Variants in PPEF2 observed in about 807,000 individuals in gnomAD.
PPEF2 encodes the protein protein phosphatase with EF-hand domain 2, also known as serine/threonine-protein phosphatase with EF-hands 2.
A neutral mutation model predicts 84.7 loss-of-function variants in PPEF2; 84 were observed. The ratio of observed to expected loss-of-function variants is 0.99; its 90% CI spans 0.83 to 1.19. The LOEUF (loss-of-function observed/expected upper bound fraction) is 1.19, where lower values mean the gene tolerates loss of function less well. Ranked by LOEUF, PPEF2 falls within the 50% of genes most tolerant of loss-of-function variation. The pLI is 0.00. For synonymous variants in PPEF2, 346 were observed against 345.2 expected, an observed-to-expected ratio of 1.00 and a Z score of -0.03; for missense variants, 924 against 937.5, an observed-to-expected ratio of 0.99 and a Z score of 0.19.
chr4:75,901,489 C>G (rs1441265888), intron 1 of PPEF2, among the ~76,000 whole-genome samples: 1 of 151,112 alleles, frequency 6.6e-6, no homozygotes, highest in African/African-American at 2.4e-5. Flanking sequence ...CCACTACACT[C>G]CAGCCTGGGT....
intron 13 of PPEF2, among the ~76,000 whole-genome samples, chr4:75,871,347 T>C (rs115462053): frequency 0.01 from 1,523 of 152,248 alleles, 26 homozygotes; most frequent in African/African-American, 0.035. Context: ...CTGTGGCTTG[T>C]AGGGGTAACA....
chr4:75,887,856 A>G (rs1724770262), intron 6 of PPEF2, among the ~76,000 whole-genome samples: 1 of 152,168 alleles, frequency 6.6e-6, no homozygotes. Flanking sequence ...GATGGGAGGA[A>G]TAATTTGCTA....
chr4:75,901,983 G>GA (rs985894692), intron 1 of PPEF2, among the ~76,000 whole-genome samples: 4 of 150,900 alleles, frequency 2.7e-5, no homozygotes, highest in Non-Finnish European at 4.4e-5. Context: ...CTCTTAGGTG[G>GA]AAAAAAAAAG....
chr4:75,892,466 G>A (rs578110384), intron 2 of PPEF2, among the ~76,000 whole-genome samples: 3 of 152,292 alleles, frequency 2.0e-5, no homozygotes, highest in Non-Finnish European at 2.9e-5. Flanking sequence ...GTCATCTGGG[G>A]CCTCAATGTC....
In PPEF2 at chr4:75,860,726, C is replaced by G. The variant is rs771769312; in HGVS notation, c.2203G>C (p.Glu735Gln). The change falls in exon 17 of 17, where the codon GAA becomes CAA. Residue 735 changes from glutamate (E) to glutamine (Q), a missense_variant. By Grantham distance (29) the Glu-to-Gln change is conservative (BLOSUM62 2). Transcript: ENST00000286719. Reference sequence around the variant, plus strand: ...TTAGCATTTGTAGCTTGTGGGCATTCTGAGGCATCGCCCTCTGGGCAGGAT... The same window carrying G: ...TTAGCATTTGTAGCTTGTGGGCATTGTGAGGCATCGCCCTCTGGGCAGGAT... ...EKSCPEGDAS[E>Q]CPQATNAKDS... is the part of the protein sequence containing the mutation. 2 of 1,614,252 alleles carry G rather than the reference C, an allele frequency of 1.2e-6. No homozygotes were observed. Among genetic ancestry groups the G allele is most frequent in the South Asian group, 2.2e-5 (2 of 91,082 alleles).
chr4:75,868,793 A>T (rs879653211), intron 13 of PPEF2, among the ~76,000 whole-genome samples: 4 of 152,156 alleles, frequency 2.6e-5, no homozygotes, highest in Non-Finnish European at 5.9e-5. Context: ...ACTTGAGGCC[A>T]GGAGCTCAAG....
intron 7 of PPEF2, among the ~76,000 whole-genome samples, chr4:75,886,421 G>GT (rs1273402564): frequency 6.6e-6 from 1 of 152,204 alleles, no homozygotes; most frequent in African/African-American, 2.4e-5. Flanking sequence ...GCAACGGCAC[G>GT]TTCGTGGGGA....
chr4:75,862,248 G>A (rs186810437), intron 16 of PPEF2, among the ~76,000 whole-genome samples: 336 of 141,662 alleles, frequency 2.4e-3, no homozygotes, highest in African/African-American at 8.3e-3. Flanking sequence ...AGCCAAGATC[G>A]TACCACTGCA....
intron 10 of PPEF2, among the ~76,000 whole-genome samples, chr4:75,878,450 C>A (rs6826893): frequency 6.6e-6 from 1 of 152,068 alleles, no homozygotes; most frequent in African/African-American, 2.4e-5. Context: ...AATCAAAGAA[C>A]GAGAACTTTC....
At chr4:75,864,286 T>C (rs2149213494) in intron 16 of PPEF2, among the ~76,000 whole-genome samples, 154 bp downstream of exon 16, 1 of 152,308 alleles carries the variant, frequency 6.6e-6, no homozygotes, top group South Asian at 2.1e-4. Flanking sequence ...TCAAGTACTT[T>C]CCTAGTTTCT....
At chr4:75,866,460 G>T in intron 14 of PPEF2, 108 bp from the exon 15 acceptor site, 1 of 1,349,378 alleles carries the variant, frequency 7.4e-7, no homozygotes, top group Non-Finnish European at 1.0e-6. Flanking sequence ...GCAGGTAATA[G>T]AAATAATGGG....
chr4:75,872,248 C>T (rs1176484200), intron 12 of PPEF2, 81 bp from the exon 13 acceptor site: 1 of 1,324,196 alleles, frequency 7.6e-7, no homozygotes, highest in Non-Finnish European at 1.0e-6. Context: ...CCCAACTCAA[C>T]TGCAGAAGCT....
At chr4:75,869,887 T>C (rs1724228164) in intron 13 of PPEF2, among the ~76,000 whole-genome samples, 1 of 152,030 alleles carries the variant, frequency 6.6e-6, no homozygotes, top group Non-Finnish European at 1.5e-5. Flanking sequence ...AACAAGGATG[T>C]TATCTTCGGT....
At chr4:75,880,772 G>T (rs907401600) in intron 10 of PPEF2, among the ~76,000 whole-genome samples, 4 of 151,328 alleles carry the variant, frequency 2.6e-5, no homozygotes, top group Non-Finnish European at 4.4e-5. Context: ...GACCAGCCTG[G>T]GCAACATAGT....
intron 2 of PPEF2, among the ~76,000 whole-genome samples, chr4:75,894,989 C>T (rs376406911): frequency 2.6e-5 from 4 of 152,306 alleles, no homozygotes; most frequent in African/African-American, 7.2e-5. Context: ...TGATTTCACT[C>T]GGTCACCCAG....
At chr4:75,868,473 A>G (rs1006868849) in intron 13 of PPEF2, among the ~76,000 whole-genome samples, 1 of 152,064 alleles carries the variant, frequency 6.6e-6, no homozygotes, top group African/African-American at 2.4e-5. Context: ...TTTGATGAAA[A>G]TCTTACTGCA....
intron 10 of PPEF2, among the ~76,000 whole-genome samples, chr4:75,879,838 A>ATTT (rs68095351): frequency 6.7e-6 from 1 of 149,424 alleles, no homozygotes. Context: ...ATTTACTTTT[A>ATTT]TTTTTTTTTT....
Position 75,867,507 on chromosome 4 carries a change from TTAACA to T in PPEF2, c.1650-93_1650-89del, listed in dbSNP as rs1252231378. On this transcript the variant is annotated intron_variant, in intron 13 of 16. Transcript: ENST00000286719. Reference sequence around the variant, plus strand: ...TTACTATATTTCCACTCTCTCTTTCTTAACATATCAGTCTCCCAAGAGCTCAGTTT... The same window carrying T: ...TTACTATATTTCCACTCTCTCTTTCTTATCAGTCTCCCAAGAGCTCAGTTT... The T allele has an allele frequency of 1.7e-5, 17 of 982,646 alleles. No individual in the cohort carries two copies. The African/African-American group carries it at 2.5e-4, about 14-fold the overall frequency. 60.9% of individuals were successfully genotyped at this position (982,646 alleles called of 1,614,324 possible). A position where few individuals can be genotyped will look rare whatever the true frequency, so the allele number is the denominator to read the frequency against.
At chr4:75,883,548 G>A (rs906781827) in intron 8 of PPEF2, 4 of 236,896 alleles carry the variant, frequency 1.7e-5, no homozygotes, top group Non-Finnish European at 3.3e-5. Context: ...GCTGGGCATG[G>A]TGGCTCACGC....
Sources: allele counts gnomAD v4.1 joint callset (sites outside exome capture counted in the v4.1 genomes callset), GRCh38; gene constraint gnomAD v4.1.1; transcripts MANE v1.5; gene names NCBI Gene and HGNC (gene_info 2026-07-23, HGNC 2026-07-21).